COL15A1: variants seen among roughly 807,000 people sequenced by gnomAD.
The protein encoded by COL15A1 is collagen alpha-1(XV) chain.
In COL15A1, 111 loss-of-function variants were observed where a neutral mutation model predicts 165.9. The ratio of observed to expected loss-of-function variants is 0.67; its 90% CI spans 0.57 to 0.78. The LOEUF is 0.78. COL15A1 is among the 30% of genes least tolerant of loss of function. COL15A1 has a pLI of 0.00. For missense variants in COL15A1, 1,745 were observed against 1,789.7 expected (o/e 0.98, Z 0.45); for synonymous variants, 659 against 674.8 (o/e 0.98, Z 0.36).
chr9:99,013,213 A>G (rs901929095), intron 9 of COL15A1, among the ~76,000 whole-genome samples: 2 of 151,848 alleles, frequency 1.3e-5, no homozygotes, highest in African/African-American at 4.8e-5. Context: ...CAGCTCCTAT[A>G]TGCACTTCCT....
chr9:98,973,257 A>G (rs1294025435), intron 2 of COL15A1, among the ~76,000 whole-genome samples: 1 of 150,912 alleles, frequency 6.6e-6, no homozygotes, highest in East Asian at 1.9e-4. Context: ...AGAGAGAGGG[A>G]GAGAGAGAGA....
chr9:98,973,723 A>G (rs1377697015), intron 2 of COL15A1, among the ~76,000 whole-genome samples: 3 of 152,196 alleles, frequency 2.0e-5, no homozygotes, highest in African/African-American at 7.2e-5. Flanking sequence ...CTGGCTAAAG[A>G]CAAGGAAGTC....
chr9:98,962,415 A>G (rs1015458112), intron 2 of COL15A1, among the ~76,000 whole-genome samples: 1 of 152,250 alleles, frequency 6.6e-6, no homozygotes, highest in Non-Finnish European at 1.5e-5. Context: ...TAGCATGCGA[A>G]GAGCCACATT....
intron 16 of COL15A1, among the ~76,000 whole-genome samples, chr9:99,031,610 A>T (rs1327269908): frequency 6.6e-6 from 1 of 152,292 alleles, no homozygotes; most frequent in East Asian, 1.9e-4. Flanking sequence ...GCTTAGGCTC[A>T]TACTCAACTA....
intron 2 of COL15A1, among the ~76,000 whole-genome samples, chr9:98,964,104 C>T (rs1462320606): frequency 6.6e-6 from 1 of 152,242 alleles, no homozygotes; most frequent in Non-Finnish European, 1.5e-5. Flanking sequence ...TGAGCAGGGA[C>T]TTACATACAA....
intron 2 of COL15A1, among the ~76,000 whole-genome samples, chr9:98,951,891 A>T: frequency 6.6e-6 from 1 of 152,254 alleles, no homozygotes. Flanking sequence ...TTTCCCCCAT[A>T]GTACCTGGGG....
In COL15A1 at chr9:99,040,593, G is replaced by A. The variant is rs554407760; in HGVS notation, c.2511+37G>A. The A allele has an allele frequency of 1.2e-5, 20 of 1,614,152 alleles. No individual in the cohort carries two copies. The Admixed American group carries it at 1.3e-4, about 11-fold the overall frequency. ...CCTCGCTGTCTTCTATCTGTGCCCCGTGGCTGCGATCATTCTGTTCCTTCC... is the reference window on the plus strand; with the variant it reads ...CCTCGCTGTCTTCTATCTGTGCCCCATGGCTGCGATCATTCTGTTCCTTCC... On this transcript the variant is annotated intron_variant, in intron 23 of 41. Transcript: ENST00000375001.
chr9:99,017,495 T>C (rs776209123), intron 11 of COL15A1, among the ~76,000 whole-genome samples: 3 of 152,052 alleles, frequency 2.0e-5, no homozygotes, highest in Non-Finnish European at 4.4e-5. Context: ...TCATCATCTA[T>C]AAAAGGAAAA....
In COL15A1 at chr9:98,975,136, C is replaced by T. The variant is rs117027378; in HGVS notation, c.101-10429C>T. 4.3e-3 allele frequency among the ~76,000 whole-genome samples: 649 copies of T among 152,372 alleles called. 7 individuals are homozygous for T. Among genetic ancestry groups the T allele is most frequent in the Non-Finnish European group, 6.8e-3 (465 of 68,038 alleles). ...GTCCCGGGGCGTCCTCAGCCTCCCTCGCGCCTCCGTCCGGACATATCCGCA... is the reference window on the plus strand; with the variant it reads ...GTCCCGGGGCGTCCTCAGCCTCCCTTGCGCCTCCGTCCGGACATATCCGCA... On this transcript the variant is annotated intron_variant, in intron 2 of 41. Coordinates refer to ENST00000375001, the MANE Select transcript of COL15A1 (RefSeq NM_001855.5).
At chr9:99,042,770 T>C (rs1266468749) in intron 24 of COL15A1, among the ~76,000 whole-genome samples, 2 of 152,256 alleles carry the variant, frequency 1.3e-5, no homozygotes, top group Non-Finnish European at 2.9e-5. Context: ...TCCTGAGAAC[T>C]CCCAGGGTAC....
In COL15A1 at chr9:99,054,623, G is replaced by A. The variant is rs551009674; in HGVS notation, c.2998G>A (p.Glu1000Lys). ...GSWGLPGSKG[E>K]KGDQGAQGPP... The stretch of plus-strand genomic sequence containing the variant: ...CTGGGGTCTTCCTGGCTCAAAGGGA[G>A]AAAAAGGCGACCAGGGAGCCCAGGG... Residue 1000 changes from glutamate to lysine, a missense_variant, in exon 32 of 42, where the codon GAA (glutamate) becomes AAA (lysine). By Grantham distance (56) the Glu-to-Lys change is moderately conservative. Coordinates refer to ENST00000375001, the MANE Select transcript of COL15A1 (RefSeq NM_001855.5). 6.8e-6 allele frequency: 11 copies of A among 1,613,308 alleles called. No individual in the cohort carries two copies. The East Asian group carries it at 1.6e-4, about 23-fold the overall frequency.
intron 41 of COL15A1, among the ~76,000 whole-genome samples, chr9:99,069,361 A>G (rs1387546402): frequency 1.3e-5 from 2 of 152,216 alleles, no homozygotes; most frequent in Non-Finnish European, 2.9e-5. Context: ...GAAGTTGTTT[A>G]TTGGCCTTTG....
intron 2 of COL15A1, among the ~76,000 whole-genome samples, chr9:98,970,766 A>T (rs1052776475): frequency 9.9e-5 from 15 of 152,110 alleles, no homozygotes; most frequent in African/African-American, 3.4e-4. Context: ...TGAGTGTGTG[A>T]GTAGGTAAGT....
chr9:98,992,484 C>G (rs1015672466), intron 5 of COL15A1, among the ~76,000 whole-genome samples: 1 of 152,222 alleles, frequency 6.6e-6, no homozygotes, highest in African/African-American at 2.4e-5. Flanking sequence ...GCCCACACGT[C>G]TCTCTCCACA....
chr9:99,000,873 G>T lies in COL15A1; in HGVS notation c.987G>T (p.Gly329=). Residue 329 remains glycine (G), a synonymous_variant, in exon 7 of 42, where the codon GGG becomes GGT. Coordinates refer to ENST00000375001, the MANE Select transcript of COL15A1 (RefSeq NM_001855.5). The part of the protein sequence containing the change: ...SGEILNDTLE[G]VHSVDGDPIT... ...AGATCCTGAATGACACACTGGAGGGGGTTCATTCTGTGGATGGTGACCCCA... is the reference window on the plus strand; with the variant it reads ...AGATCCTGAATGACACACTGGAGGGTGTTCATTCTGTGGATGGTGACCCCA... 1 of 1,600,870 alleles carries T rather than the reference G, an allele frequency of 6.2e-7. No homozygotes were observed. Among genetic ancestry groups the T allele is most frequent in the Non-Finnish European group, 8.6e-7 (1 of 1,168,368 alleles).
intron 22 of COL15A1, 62 bp from the exon 23 acceptor site, chr9:99,040,459 G>C (rs1365280992): frequency 1.2e-6 from 2 of 1,613,614 alleles, no homozygotes; most frequent in African/African-American, 2.7e-5. Flanking sequence ...GAGGGAGGGG[G>C]TCCTGCTGAC....
At chr9:99,060,234 T>TTA (rs1203751452) in intron 36 of COL15A1, among the ~76,000 whole-genome samples, 1,240 of 84,816 alleles carry the variant, frequency 0.015, 9 homozygotes, top group East Asian at 0.02. Flanking sequence ...TTATATATTT[T>TTA]TATATATATA....
intron 39 of COL15A1, 144 bp downstream of exon 39, chr9:99,063,253 C>T (rs1032215930): frequency 7.5e-6 from 8 of 1,073,388 alleles, no homozygotes; most frequent in South Asian, 2.1e-5. Flanking sequence ...AATTACAATA[C>T]AGTGTGGTAA....
At chr9:99,014,672 A>G (rs1043311922) in intron 9 of COL15A1, among the ~76,000 whole-genome samples, 1 of 152,222 alleles carries the variant, frequency 6.6e-6, no homozygotes, top group East Asian at 1.9e-4. Flanking sequence ...TATTTTGCAA[A>G]GGTCAAAGAC....
Sources: allele counts gnomAD v4.1 joint callset (sites outside exome capture counted in the v4.1 genomes callset), GRCh38; gene constraint gnomAD v4.1.1; transcripts MANE v1.5; gene names NCBI Gene and HGNC (gene_info 2026-07-23, HGNC 2026-07-21).